The following SAMSN1 variants were observed in gnomAD, a reference collection of about 807,000 sequenced individuals.
SAMSN1 encodes SAM domain-containing protein SAMSN-1.
A neutral mutation model predicts 42.0 loss-of-function variants in SAMSN1; 31 were observed. The observed-to-expected ratio is 0.74, with a 90% CI of 0.55 to 1.00. SAMSN1 has a LOEUF of 1.00. SAMSN1 is among the 50% of genes least tolerant of loss of function. SAMSN1 has a pLI of 0.00. For synonymous variants in SAMSN1, 178 were observed against 151.9 expected, an observed-to-expected ratio of 1.17 and a Z score of -1.26; for missense variants, 464 against 439.4, an observed-to-expected ratio of 1.06 and a Z score of -0.50.
intron 2 of SAMSN1, among the ~76,000 whole-genome samples, chr21:14,618,884 T>C (rs1335455874): frequency 6.6e-6 from 1 of 152,242 alleles, no homozygotes; most frequent in African/African-American, 2.4e-5. Flanking sequence ...GTAATAATTC[T>C]TCTTACCTTT....
chr21:14,487,712 TTTGCAACAG>T lies in SAMSN1; in HGVS notation c.920-1607_920-1599del, dbSNP rs1986498136. ...TTTAACCTTTTCCTTAAGGCTTGTA[TTTGCAACAG>T]TGAAACCATATTTATGCCATTCTTC... On this transcript the variant is annotated intron_variant, in intron 7 of 7. Transcript: ENST00000400566. Among the ~76,000 whole-genome samples, 5 of 152,180 alleles carry T rather than the reference TTTGCAACAG, an allele frequency of 3.3e-5. No homozygotes were observed. The South Asian group carries it at 8.3e-4, about 25-fold the overall frequency.
chr21:14,633,329 A>G (rs1983380377), intron 2 of SAMSN1, among the ~76,000 whole-genome samples: 1 of 152,204 alleles, frequency 6.6e-6, no homozygotes, highest in South Asian at 2.1e-4. Context: ...ACCAAAAGGA[A>G]AGTAATAGAG....
At chr21:14,549,502 A>G (rs532803369), upstream of SAMSN1, among the ~76,000 whole-genome samples, 1 of 152,062 alleles carries the variant, frequency 6.6e-6, no homozygotes, top group Admixed American at 6.6e-5. Flanking sequence ...GCCTCTGTGT[A>G]TTGCTGGGTC....
At chr21:14,647,924 G>A (rs547537398) in intron 1 of SAMSN1, among the ~76,000 whole-genome samples, 34 of 151,734 alleles carry the variant, frequency 2.2e-4, no homozygotes, top group East Asian at 1.5e-3. Flanking sequence ...CAATCATGTC[G>A]TCTGCGAACA....
chr21:14,596,004 C>T (rs1982249987), intron 6 of SAMSN1, among the ~76,000 whole-genome samples: 1 of 152,078 alleles, frequency 6.6e-6, no homozygotes, highest in Admixed American at 6.6e-5. Flanking sequence ...AAGTAAAACA[C>T]CCATACATTT....
At chr21:14,617,759 T>C (rs1286938396) in intron 2 of SAMSN1, among the ~76,000 whole-genome samples, 1 of 152,238 alleles carries the variant, frequency 6.6e-6, no homozygotes, top group Non-Finnish European at 1.5e-5. Context: ...CACAGTATTT[T>C]GGAACCAACT....
At chr21:14,647,936 G>A (rs1311443576) in intron 1 of SAMSN1, among the ~76,000 whole-genome samples, 13 of 151,540 alleles carry the variant, frequency 8.6e-5, no homozygotes, top group Non-Finnish European at 1.5e-4. Context: ...CTGCGAACAG[G>A]GACAATTTGA....
chr21:14,516,593 T>C (rs1013102353), intron 3 of SAMSN1, among the ~76,000 whole-genome samples: 3 of 152,178 alleles, frequency 2.0e-5, no homozygotes, highest in Non-Finnish European at 4.4e-5. Context: ...GGTTTCACCA[T>C]GTTGGCCAGG....
Position 14,502,561 on chromosome 21 carries a change from G to A in SAMSN1, c.562-1826C>T, listed in dbSNP as rs140895825. ...GGGGAATTCCTGTTGTGTCCTGTAA[G>A]AGCTCCACAAAAACTCACCTCAGGC... is the stretch of plus-strand genomic sequence containing the variant. On this transcript the variant is annotated intron_variant, in intron 5 of 7. Coordinates refer to ENST00000400566, the MANE Select transcript of SAMSN1 (RefSeq NM_022136.5). 1.1e-3 allele frequency among the ~76,000 whole-genome samples: 161 copies of A among 152,238 alleles called. 1 individual carries two copies. In the East Asian group the frequency reaches 0.011, roughly 10 times the overall value.
At chr21:14,601,021 TA>T (rs1309378202) in intron 6 of SAMSN1, among the ~76,000 whole-genome samples, 2 of 152,214 alleles carry the variant, frequency 1.3e-5, no homozygotes, top group Non-Finnish European at 2.9e-5. Context: ...AGTACTGAGA[TA>T]TTTTTTATAG....
chr21:14,577,360 G>A (rs910586309), intron 2 of SAMSN1, among the ~76,000 whole-genome samples: 1 of 143,816 alleles, frequency 7.0e-6, no homozygotes, highest in Non-Finnish European at 1.5e-5. Context: ...TGATCCGCCT[G>A]CCTCAGCCTC....
chr21:14,491,204 A>T (rs1161946991), intron 7 of SAMSN1, among the ~76,000 whole-genome samples: 1 of 152,076 alleles, frequency 6.6e-6, no homozygotes, highest in Non-Finnish European at 1.5e-5. Context: ...GCTCTGGCGT[A>T]TTGACTATTT....
chr21:14,500,804 G>A (rs1987121342), intron 5 of SAMSN1, 69 bp from the exon 6 acceptor site: 1 of 1,198,504 alleles, frequency 8.3e-7, no homozygotes, highest in African/African-American at 1.5e-5. Flanking sequence ...TGAAATCATA[G>A]AAAACTAGAA....
At chr21:14,523,782 C>T (rs963917969) in intron 1 of SAMSN1, among the ~76,000 whole-genome samples, 1 of 152,240 alleles carries the variant, frequency 6.6e-6, no homozygotes, top group East Asian at 1.9e-4. Flanking sequence ...AGAATAGACT[C>T]GTTTCAGCAT....
rs1431607578 is a variant in SAMSN1 at position 14,577,242 on chromosome 21, A to G, written c.261+4894T>C. On this transcript the variant is annotated intron_variant, in intron 2 of 8. Coordinates refer to the SAMSN1 transcript ENST00000285670. ...GGCTAATTTATATATATGTGTGTAT[A>G]TATATATATATATATATATATATAT... Among the ~76,000 whole-genome samples, 37 of 19,038 alleles carry G rather than the reference A, an allele frequency of 1.9e-3. 2 individuals carry two copies. Among genetic ancestry groups the G allele is most frequent in the African/African-American group, 0.012 (22 of 1,848 alleles). 12.5% of individuals were successfully genotyped at this position (19,038 alleles called of 152,430 possible).
chr21:14,581,247 C>G (rs570692682), intron 2 of SAMSN1, among the ~76,000 whole-genome samples: 1 of 145,836 alleles, frequency 6.9e-6, no homozygotes, highest in East Asian at 2.1e-4. Flanking sequence ...GGTTATAGGT[C>G]TTGGCTCTAC....
intron 2 of SAMSN1, among the ~76,000 whole-genome samples, chr21:14,561,592 T>G (rs1484955946): frequency 6.6e-6 from 1 of 152,160 alleles, no homozygotes; most frequent in Non-Finnish European, 1.5e-5. Context: ...GGATGGCATG[T>G]GTTATGGGTT....
intron 4 of SAMSN1, among the ~76,000 whole-genome samples, chr21:14,609,832 AC>A (rs997804052): frequency 6.6e-6 from 1 of 152,182 alleles, no homozygotes; most frequent in African/African-American, 2.4e-5. Context: ...AATTTCTTAC[AC>A]CTGGCCTGTC....
chr21:14,491,201 C>T (rs1019212951), intron 7 of SAMSN1, among the ~76,000 whole-genome samples: 10 of 151,910 alleles, frequency 6.6e-5, no homozygotes, highest in East Asian at 3.9e-4. Context: ...GCTGCTCTGG[C>T]GTATTGACTA....
Sources: allele counts gnomAD v4.1 joint callset (sites outside exome capture counted in the v4.1 genomes callset), GRCh38; gene constraint gnomAD v4.1.1; transcripts MANE v1.5; gene names NCBI Gene and HGNC (gene_info 2026-07-23, HGNC 2026-07-21).